The following CPED1 variants were observed in gnomAD, a reference collection of about 807,000 sequenced individuals.
CPED1 encodes cadherin-like and PC-esterase domain-containing protein 1.
A neutral mutation model predicts 128.2 loss-of-function variants in CPED1; 114 were observed. That is an observed-to-expected ratio of 0.89 (90% CI 0.76 to 1.04). The LOEUF is 1.04. CPED1 is among the 50% of genes least tolerant of loss of function. The probability of loss-of-function intolerance (pLI) is 0.00; values close to 1 mark genes in which losing one functional copy is unlikely to be tolerated. For missense variants in CPED1, 1,211 were observed against 1,207.1 expected (o/e 1.00, Z -0.05); for synonymous variants, 462 against 426.7 (o/e 1.08, Z -1.02).
At chr7:121,062,215 T>C (rs1276342155) in intron 4 of CPED1, among the ~76,000 whole-genome samples, 1 of 152,238 alleles carries the variant, frequency 6.6e-6, no homozygotes, top group Non-Finnish European at 1.5e-5. Context: ...GCTGATTCTC[T>C]TTCTGAATCA....
At chr7:121,028,710 C>A (rs528151486) in intron 3 of CPED1, among the ~76,000 whole-genome samples, 5 of 152,270 alleles carry the variant, frequency 3.3e-5, no homozygotes, top group Non-Finnish European at 7.4e-5. Context: ...GTTGCATTGT[C>A]TATGTGAAAC....
chr7:121,102,812 C>T (rs1340369230), intron 7 of CPED1, among the ~76,000 whole-genome samples: 2 of 152,118 alleles, frequency 1.3e-5, no homozygotes, highest in South Asian at 2.1e-4. Context: ...CCTCCCCCAA[C>T]TCCACTTATC....
At chr7:121,138,336 G>A (rs935503345) in intron 14 of CPED1, among the ~76,000 whole-genome samples, 2 of 152,146 alleles carry the variant, frequency 1.3e-5, no homozygotes, top group African/African-American at 4.8e-5. Context: ...TGGGTTCTCC[G>A]TAGATCTCAG....
In CPED1 at chr7:121,025,290, T is replaced by C. The variant is rs986184127; in HGVS notation, c.433+9442T>C. Among the ~76,000 whole-genome samples, 8 of 152,280 alleles carry C rather than the reference T, an allele frequency of 5.3e-5. No homozygotes were observed. The East Asian group carries it at 1.5e-3, about 29-fold the overall frequency. On this transcript the variant is annotated intron_variant, in intron 3 of 22. Coordinates refer to ENST00000310396, the MANE Select transcript of CPED1 (RefSeq NM_024913.5). ...TCTCTCCCCAATTAACTGTCTATAA[T>C]GACTTTCACCCCCACCTATCTCCTA...
At chr7:121,145,070 C>G (rs1563044253) in intron 16 of CPED1, among the ~76,000 whole-genome samples, 1 of 151,316 alleles carries the variant, frequency 6.6e-6, no homozygotes, top group East Asian at 1.9e-4. Flanking sequence ...ATTTAATTAA[C>G]TGCATTTAAG....
At chr7:121,120,635 T>A (rs1402371458) in intron 7 of CPED1, among the ~76,000 whole-genome samples, 1 of 152,148 alleles carries the variant, frequency 6.6e-6, no homozygotes, top group Non-Finnish European at 1.5e-5. Flanking sequence ...CTAATATTAG[T>A]AAATCTTTCA....
Position 121,236,699 on chromosome 7 carries a change from A to G in CPED1, c.2056-15A>G. The G allele has an allele frequency of 6.8e-7, 1 of 1,468,306 alleles. No individual in the cohort carries two copies. The highest frequency in any genetic ancestry group is 9.3e-7 in the Non-Finnish European group (1 of 1,073,862). 91.0% of individuals were successfully genotyped at this position (1,468,306 alleles called of 1,614,324 possible). ...TTAATTAATACAACAACTAATATCT[A>G]TTATTTTAATGCAGGATTGTGGTTT... On this transcript the variant is annotated splice_polypyrimidine_tract_variant and intron_variant, in intron 16 of 22. Transcript: ENST00000310396.
chr7:121,124,404 T>C lies in CPED1; in HGVS notation c.992T>C (p.Ile331Thr), dbSNP rs368245288. The change falls in exon 8 of 23, where the codon ATT becomes ACT. Residue 331 changes from isoleucine to threonine, a missense_variant. By Grantham distance (89) the Ile-to-Thr change is moderately conservative (BLOSUM62 -1). Coordinates refer to ENST00000310396, the MANE Select transcript of CPED1 (RefSeq NM_024913.5). Reference protein sequence around the residue: ...QQAFDIMKEAIGKLLLAAEVF... With the variant: ...QQAFDIMKEATGKLLLAAEVF... Reference sequence around the variant, plus strand: ...GCTTTTGACATTATGAAGGAAGCAATTGGCAAACTACTGCTAGCGGCTGAA... The same window carrying C: ...GCTTTTGACATTATGAAGGAAGCAACTGGCAAACTACTGCTAGCGGCTGAA... The C allele has an allele frequency of 5.0e-6, 8 of 1,608,478 alleles. No individual in the cohort carries two copies. In the South Asian group the frequency reaches 6.6e-5, roughly 13 times the overall value.
At chr7:121,140,366 A>G (rs1249379131) in intron 14 of CPED1, among the ~76,000 whole-genome samples, 1 of 151,990 alleles carries the variant, frequency 6.6e-6, no homozygotes, top group African/African-American at 2.4e-5. Flanking sequence ...CCTATAAGAT[A>G]CTATATCAAT....
intron 7 of CPED1, among the ~76,000 whole-genome samples, chr7:121,116,103 T>C (rs983242057): frequency 2.4e-4 from 36 of 152,206 alleles, no homozygotes; most frequent in African/African-American, 8.2e-4. Flanking sequence ...AACAATTCCC[T>C]TATATGCTTG....
intron 16 of CPED1, among the ~76,000 whole-genome samples, chr7:121,177,938 T>C (rs1211667451): frequency 6.6e-6 from 1 of 152,062 alleles, no homozygotes; most frequent in African/African-American, 2.4e-5. Flanking sequence ...GATTCTAGGA[T>C]TTAATCCCTT....
chr7:121,010,283 G>A (rs535419151), intron 2 of CPED1, among the ~76,000 whole-genome samples: 3 of 152,010 alleles, frequency 2.0e-5, no homozygotes, highest in East Asian at 1.9e-4. Flanking sequence ...AGACAGTCTC[G>A]CTCTGTCACC....
intron 3 of CPED1, among the ~76,000 whole-genome samples, chr7:121,041,603 C>T (rs1053675258): frequency 3.3e-5 from 5 of 151,984 alleles, no homozygotes; most frequent in African/African-American, 4.8e-5. Flanking sequence ...ATGTTATCAG[C>T]GAAGGAGGTC....
intron 22 of CPED1, among the ~76,000 whole-genome samples, chr7:121,291,561 A>G (rs1252566531): frequency 6.6e-6 from 1 of 152,138 alleles, no homozygotes; most frequent in Non-Finnish European, 1.5e-5. Context: ...TCTTTGTAGC[A>G]ATTGTGAATA....
At chr7:121,051,370 C>T (rs1369392422) in intron 4 of CPED1, 20 of 380,732 alleles carry the variant, frequency 5.3e-5, no homozygotes, top group East Asian at 3.1e-4. Context: ...ATGTAAATGC[C>T]TTTTTTTTTT....
At chr7:121,216,380 A>G (rs1469584548) in intron 16 of CPED1, among the ~76,000 whole-genome samples, 1 of 152,006 alleles carries the variant, frequency 6.6e-6, no homozygotes, top group Non-Finnish European at 1.5e-5. Context: ...GTTCACTTCT[A>G]CTCACATTCT....
intron 4 of CPED1, among the ~76,000 whole-genome samples, chr7:121,057,635 T>C (rs1261027977): frequency 6.6e-6 from 1 of 152,266 alleles, no homozygotes; most frequent in Non-Finnish European, 1.5e-5. Context: ...CCTGAGAGGC[T>C]TGACTTGCAG....
chr7:120,999,548 GC>G (rs1440284051), intron 2 of CPED1, among the ~76,000 whole-genome samples: 21 of 152,044 alleles, frequency 1.4e-4, no homozygotes, highest in African/African-American at 4.8e-4. Flanking sequence ...CTAAAATTGA[GC>G]CATTCCTTTT....
At chr7:121,027,000 T>C (rs991273250) in intron 3 of CPED1, among the ~76,000 whole-genome samples, 2 of 136,670 alleles carry the variant, frequency 1.5e-5, no homozygotes, top group Admixed American at 7.7e-5. Context: ...CAGCTAATTT[T>C]TCTTATTTTT....
Sources: allele counts gnomAD v4.1 joint callset (sites outside exome capture counted in the v4.1 genomes callset), GRCh38; gene constraint gnomAD v4.1.1; transcripts MANE v1.5; gene names NCBI Gene and HGNC (gene_info 2026-07-23, HGNC 2026-07-21).